Variants in PTPRT observed in about 807,000 individuals in gnomAD.
PTPRT encodes the protein protein tyrosine phosphatase receptor type T.
Under a neutral mutation model 176.8 loss-of-function variants are expected in PTPRT, and 56 were observed. The observed-to-expected ratio is 0.32, with a 90% CI of 0.26 to 0.40. PTPRT has a LOEUF of 0.40. Ranked by LOEUF, PTPRT falls within the 10% of genes least tolerant of loss-of-function variation. PTPRT has a pLI of 1.00. For synonymous variants in PTPRT, 783 were observed against 739.0 expected, an observed-to-expected ratio of 1.06 and a Z score of -0.96; for missense variants, 1,540 against 1,908.2, an observed-to-expected ratio of 0.81 and a Z score of 3.60.
At chr20:42,906,752 AC>A (rs2079483943) in intron 1 of PTPRT, among the ~76,000 whole-genome samples, 1 of 152,188 alleles carries the variant, frequency 6.6e-6, no homozygotes, top group Non-Finnish European at 1.5e-5. Context: ...GGACAGGGGA[AC>A]TTTTCCCGTT....
intron 6 of PTPRT, among the ~76,000 whole-genome samples, chr20:42,679,264 C>T (rs1421043611): frequency 6.6e-6 from 1 of 151,698 alleles, no homozygotes; most frequent in Non-Finnish European, 1.5e-5. Flanking sequence ...TCATGTAATT[C>T]TTGGGACAGC....
the PTPRT span, among the ~76,000 whole-genome samples, chr20:42,064,240 T>C: frequency 2.9e-3 from 448 of 152,264 alleles, 4 homozygotes; most frequent in African/African-American, 0.01. Flanking sequence ...TTTATGTTTT[T>C]CATATTAACT....
At chr20:43,137,671 C>G (rs2013875835) in intron 1 of PTPRT, among the ~76,000 whole-genome samples, 1 of 152,172 alleles carries the variant, frequency 6.6e-6, no homozygotes, top group Admixed American at 6.5e-5. Flanking sequence ...CTCCTCTTCC[C>G]CCAACGCTAT....
chr20:42,316,064 T>G (rs992587719), intron 11 of PTPRT, 68 bp from the exon 12 acceptor site: 14 of 1,544,030 alleles, frequency 9.1e-6, no homozygotes, highest in Non-Finnish European at 1.1e-5. Flanking sequence ...TTAGCTCTAA[T>G]GGTGTCAACC....
At chr20:42,369,621 A>G (rs1239169788) in intron 9 of PTPRT, among the ~76,000 whole-genome samples, 1 of 152,202 alleles carries the variant, frequency 6.6e-6, no homozygotes, top group Non-Finnish European at 1.5e-5. Context: ...GTCCCATTGC[A>G]GGCTGAAGAA....
chr20:42,242,733 C>A (rs2056378033), intron 14 of PTPRT, among the ~76,000 whole-genome samples: 1 of 152,258 alleles, frequency 6.6e-6, no homozygotes, highest in African/African-American at 2.4e-5. Flanking sequence ...AACTAAGAAA[C>A]TTGTTTCCAT....
intron 9 of PTPRT, among the ~76,000 whole-genome samples, chr20:42,416,594 T>C (rs1007842073): frequency 2.0e-5 from 3 of 152,216 alleles, no homozygotes; most frequent in African/African-American, 7.2e-5. Flanking sequence ...GTTTGCAACC[T>C]GGCCCTATGC....
intron 22 of PTPRT, among the ~76,000 whole-genome samples, chr20:42,114,874 C>A (rs775475827): frequency 2.0e-5 from 3 of 152,192 alleles, no homozygotes; most frequent in Admixed American, 6.5e-5. Context: ...TCATTCTCTG[C>A]CCAAATGCCT....
chr20:42,485,851 A>C (rs1413842551), intron 7 of PTPRT, among the ~76,000 whole-genome samples: 1 of 152,212 alleles, frequency 6.6e-6, no homozygotes, highest in Non-Finnish European at 1.5e-5. Flanking sequence ...AGTGTCATTA[A>C]ACTGAAGGAA....
chr20:42,830,906 A>G (rs1410532892), intron 2 of PTPRT, among the ~76,000 whole-genome samples: 2 of 152,198 alleles, frequency 1.3e-5, no homozygotes, highest in African/African-American at 4.8e-5. Context: ...AAACAAACAA[A>G]TGGAAAAACA....
Position 42,580,811 on chromosome 20 carries a change from C to T in PTPRT, c.1153+97055G>A, listed in dbSNP as rs937360951. Among the ~76,000 whole-genome samples, 483 of 152,244 alleles carry T rather than the reference C, an allele frequency of 3.2e-3. 1 individual carries two copies. The highest frequency in any genetic ancestry group is 0.011 in the African/African-American group (462 of 41,528). On this transcript the variant is annotated intron_variant, in intron 7 of 30. Coordinates refer to ENST00000373187, the MANE Select transcript of PTPRT (RefSeq NM_007050.6). ...AACTAAAGGAGATTTTGGGCTGAGACGATGGGGTTTTCTAGATATACAATC... is the reference window on the plus strand; with the variant it reads ...AACTAAAGGAGATTTTGGGCTGAGATGATGGGGTTTTCTAGATATACAATC...
rs1568895800 is a variant in PTPRT at position 42,073,288 on chromosome 20, A to G, written c.*7591T>C. The G allele has an allele frequency of 5.3e-6, 1 of 189,492 alleles. No homozygotes were observed. The highest frequency in any genetic ancestry group is 1.9e-4 in the South Asian group (1 of 5,142). The allele number at this position is 189,492 out of a possible 1,614,324, so 11.7% of individuals were successfully genotyped here. Reference sequence around the variant, plus strand: ...TGATTGGCTAGTAGAATGTAGGGTGAAAAGTGCTTTTGAGTATGATTACCA... The same window carrying G: ...TGATTGGCTAGTAGAATGTAGGGTGGAAAGTGCTTTTGAGTATGATTACCA... On this transcript the variant is annotated 3_prime_UTR_variant, in exon 31 of 31. Coordinates refer to ENST00000373187, the MANE Select transcript of PTPRT (RefSeq NM_007050.6).
chr20:42,628,902 A>G (rs1214864296), intron 7 of PTPRT, among the ~76,000 whole-genome samples: 3 of 152,184 alleles, frequency 2.0e-5, no homozygotes, highest in African/African-American at 7.2e-5. Flanking sequence ...CTGGCCCTTA[A>G]CTGAAAAAGT....
intron 19 of PTPRT, among the ~76,000 whole-genome samples, chr20:42,120,422 C>T (rs1017039814): frequency 1.3e-5 from 2 of 152,144 alleles, no homozygotes; most frequent in African/African-American, 2.4e-5. Context: ...TGACTTCTTC[C>T]ATTAGTAACA....
At chr20:42,590,709 C>G (rs2073553422) in intron 7 of PTPRT, among the ~76,000 whole-genome samples, 1 of 152,068 alleles carries the variant, frequency 6.6e-6, no homozygotes, top group Admixed American at 6.6e-5. Flanking sequence ...GAAAACAGAG[C>G]TTTTCATTCA....
At chr20:42,289,033 A>G (rs906543432) in intron 12 of PTPRT, among the ~76,000 whole-genome samples, 6 of 152,180 alleles carry the variant, frequency 3.9e-5, no homozygotes, top group Non-Finnish European at 8.8e-5. Context: ...GAGAAAGGAC[A>G]CCCGATTCAA....
chr20:42,711,291 T>C (rs1034437946), intron 6 of PTPRT, among the ~76,000 whole-genome samples: 39 of 152,274 alleles, frequency 2.6e-4, no homozygotes, highest in African/African-American at 9.4e-4. Context: ...AGTTTGAATG[T>C]TTGCCCCCTC....
At chr20:42,655,017 A>G (rs2075100202) in intron 7 of PTPRT, among the ~76,000 whole-genome samples, 1 of 152,204 alleles carries the variant, frequency 6.6e-6, no homozygotes, top group Non-Finnish European at 1.5e-5. Flanking sequence ...GGATCCAATC[A>G]TATCATGGTG....
chr20:42,893,933 A>G (rs1158910258), intron 1 of PTPRT, among the ~76,000 whole-genome samples: 4 of 152,046 alleles, frequency 2.6e-5, no homozygotes, highest in Non-Finnish European at 5.9e-5. Context: ...AATGGGTGCC[A>G]CACACCTGCA....
Sources: gnomAD v4.1 joint callset for allele counts (sites outside exome capture counted in the v4.1 genomes callset) on GRCh38, gnomAD v4.1.1 for gene constraint, MANE v1.5 for transcripts, NCBI Gene and HGNC (gene_info 2026-07-23, HGNC 2026-07-21) for gene names.